Variants in DIAPH2 observed in about 807,000 individuals in gnomAD.
DIAPH2 encodes the protein protein diaphanous homolog 2.
In DIAPH2, 35 loss-of-function variants were observed where a neutral mutation model predicts 92.7. The observed-to-expected ratio is 0.38, with a 90% CI of 0.29 to 0.50. The LOEUF is 0.50. DIAPH2 is among the 20% of genes least tolerant of loss of function. The pLI, the probability that DIAPH2 is intolerant of heterozygous loss-of-function variation, is 0.94. For missense variants in DIAPH2, 701 were observed against 819.5 expected (o/e 0.86, Z 1.77); for synonymous variants, 301 against 280.4 (o/e 1.07, Z -0.73).
At chrX:97,028,363 A>G (rs937275691) in intron 17 of DIAPH2, among the ~76,000 whole-genome samples, 1 of 110,499 alleles carries the variant, frequency 9.0e-6, no homozygotes, top group African/African-American at 3.3e-5. Flanking sequence ...ATCATTCTTC[A>G]TCTTTATGTT....
At chrX:96,845,012 T>C (rs1390306963) in intron 4 of DIAPH2, among the ~76,000 whole-genome samples, 1 of 112,333 alleles carries the variant, frequency 8.9e-6, no homozygotes, top group Non-Finnish European at 1.9e-5. Context: ...TTAATCTGGC[T>C]TTACATATGG....
At chrX:97,149,729 T>TAAAAAAA (rs1460056865) in intron 22 of DIAPH2, among the ~76,000 whole-genome samples, 1 of 528 alleles carries the variant, frequency 1.9e-3, no homozygotes, top group African/African-American at 2.4e-3. Flanking sequence ...AGACTCCATC[T>TAAAAAAA]CAAAAAAAAA....
intron 17 of DIAPH2, among the ~76,000 whole-genome samples, chrX:97,042,796 C>T (rs181334239): frequency 9.0e-6 from 1 of 111,598 alleles, no homozygotes; most frequent in Non-Finnish European, 1.9e-5. Flanking sequence ...TTGTGAAACC[C>T]TGCTAAAATT....
At chrX:97,425,079 T>C (rs2070049023) in intron 25 of DIAPH2, among the ~76,000 whole-genome samples, 1 of 112,470 alleles carries the variant, frequency 8.9e-6, no homozygotes, top group Non-Finnish European at 1.9e-5. Context: ...TTTTCAGTAA[T>C]TTACATATAT....
At position 96,685,042 on chromosome X, in the gene DIAPH2, G is replaced by T; in HGVS notation, c.-17G>T. On this transcript the variant is annotated 5_prime_UTR_variant, in exon 1 of 27. Transcript: ENST00000324765. Reference sequence around the variant, plus strand: ...AGAGGTGGGGTTACAGGGCACAGGTGACAGGGCCGGAGAAAGATGGAGCAG... The same window carrying T: ...AGAGGTGGGGTTACAGGGCACAGGTTACAGGGCCGGAGAAAGATGGAGCAG... 1 of 990,882 alleles carries T rather than the reference G, an allele frequency of 1.0e-6. No homozygotes were observed. The highest frequency in any genetic ancestry group is 3.9e-5 in the South Asian group (1 of 25,715). The allele number at this position is 990,882 out of a possible 1,213,427, so 81.7% of individuals were successfully genotyped here.
At chrX:96,736,082 G>A (rs1450870391) in intron 2 of DIAPH2, among the ~76,000 whole-genome samples, 1 of 110,809 alleles carries the variant, frequency 9.0e-6, no homozygotes, top group African/African-American at 3.3e-5. Context: ...CTTTTTTGAT[G>A]GCCAAATAAA....
At chrX:97,575,931 T>C (rs1359886492) in intron 26 of DIAPH2, among the ~76,000 whole-genome samples, 1 of 111,727 alleles carries the variant, frequency 9.0e-6, no homozygotes, top group Non-Finnish European at 1.9e-5. Flanking sequence ...ACACAAGCAA[T>C]GGAAAGCCAA....
intron 26 of DIAPH2, among the ~76,000 whole-genome samples, chrX:97,539,881 C>T (rs772520392): frequency 8.9e-6 from 1 of 111,916 alleles, no homozygotes; most frequent in East Asian, 2.8e-4. Context: ...ACTTACTTCA[C>T]ATACTGTCCC....
intron 26 of DIAPH2, among the ~76,000 whole-genome samples, chrX:97,589,979 G>A (rs985671738): frequency 5.3e-5 from 6 of 112,289 alleles, no homozygotes; most frequent in African/African-American, 1.6e-4. Flanking sequence ...CAATGGCACC[G>A]ACAGCTGTTA....
chrX:96,887,787 T>C (rs1158162040), intron 5 of DIAPH2, among the ~76,000 whole-genome samples: 1 of 112,062 alleles, frequency 8.9e-6, no homozygotes, highest in East Asian at 2.8e-4. Flanking sequence ...GAAACCTTTA[T>C]TGAGTTCCTA....
At chrX:97,293,475 T>A (rs1261043533) in intron 23 of DIAPH2, among the ~76,000 whole-genome samples, 1 of 110,207 alleles carries the variant, frequency 9.1e-6, no homozygotes, top group Non-Finnish European at 1.9e-5. Flanking sequence ...ATGGTCTCTG[T>A]CTCCTGACCT....
intron 26 of DIAPH2, among the ~76,000 whole-genome samples, chrX:97,514,467 A>G (rs1175729271): frequency 8.8e-6 from 1 of 113,358 alleles, no homozygotes; most frequent in African/African-American, 3.2e-5. Context: ...ATCCTCCCGT[A>G]GCTCAGAGTA....
intron 26 of DIAPH2, among the ~76,000 whole-genome samples, chrX:97,532,998 A>ATTT (rs980330090): frequency 1.9e-5 from 2 of 104,514 alleles, no homozygotes; most frequent in African/African-American, 6.9e-5. Flanking sequence ...CTTTATTTCT[A>ATTT]TTTTTTTTTT....
At chrX:96,906,771 A>C (rs2065436428) in intron 5 of DIAPH2, among the ~76,000 whole-genome samples, 1 of 111,927 alleles carries the variant, frequency 8.9e-6, no homozygotes, top group Non-Finnish European at 1.9e-5. Flanking sequence ...AACTTGGAAA[A>C]AAGTCTTTAA....
At chrX:97,468,576 G>A (rs1396129213) in intron 26 of DIAPH2, among the ~76,000 whole-genome samples, 2 of 108,026 alleles carry the variant, frequency 1.9e-5, no homozygotes, top group Non-Finnish European at 3.8e-5. Context: ...CTATTATTTA[G>A]GTTTGATTTT....
chrX:96,880,191 A>T (rs1273143252), intron 4 of DIAPH2, among the ~76,000 whole-genome samples: 1 of 111,865 alleles, frequency 8.9e-6, no homozygotes, highest in Non-Finnish European at 1.9e-5. Context: ...ATTGAAGCTC[A>T]CTAAATTCAT....
chrX:97,111,217 C>T (rs1324395647), intron 20 of DIAPH2, among the ~76,000 whole-genome samples: 1 of 111,806 alleles, frequency 8.9e-6, no homozygotes, highest in East Asian at 2.8e-4. Flanking sequence ...AAAACAAGAC[C>T]GCTTTACAGG....
intron 24 of DIAPH2, among the ~76,000 whole-genome samples, chrX:97,353,244 A>G (rs1000847958): frequency 7.2e-5 from 8 of 110,741 alleles, no homozygotes; most frequent in African/African-American, 2.6e-4. Flanking sequence ...CAAATAGTTG[A>G]CTGCACAAAT....
chrX:96,798,981 G>A (rs758338142), intron 4 of DIAPH2, among the ~76,000 whole-genome samples: 3 of 110,093 alleles, frequency 2.7e-5, no homozygotes, highest in Non-Finnish European at 5.7e-5. Context: ...GCCCATTCTC[G>A]TGGAGTCTCC....
Sources: gnomAD v4.1 joint callset for allele counts (sites outside exome capture counted in the v4.1 genomes callset) on GRCh38, gnomAD v4.1.1 for gene constraint, MANE v1.5 for transcripts, NCBI Gene and HGNC (gene_info 2026-07-23, HGNC 2026-07-21) for gene names.